NDNF: variants seen among roughly 807,000 people sequenced by gnomAD.
NDNF encodes protein NDNF.
Under a neutral mutation model 42.0 loss-of-function variants are expected in NDNF, and 16 were observed. That is an observed-to-expected ratio of 0.38 (90% CI 0.26 to 0.58). The LOEUF (loss-of-function observed/expected upper bound fraction) is 0.58. Among genes scored for constraint, NDNF ranks in the 20% least tolerant of loss-of-function variants. The pLI, the probability that NDNF is intolerant of heterozygous loss-of-function variation, is 0.67. For synonymous variants in NDNF, 248 were observed against 251.7 expected (o/e 0.99, Z 0.14); for missense variants, 616 against 666.2 (o/e 0.92, Z 0.83).
At position 121,037,239 on chromosome 4, in the gene NDNF, A is replaced by C. The variant is rs751516210; in HGVS notation, c.732T>G (p.Gly244=). The C allele has an allele frequency of 6.2e-7, 1 of 1,614,086 alleles. No individual in the cohort carries two copies. The highest frequency in any genetic ancestry group is 1.1e-5 in the South Asian group (1 of 91,064). The change falls in exon 4 of 4, where the codon GGT becomes GGG. Residue 244 remains glycine (G), a synonymous_variant. Coordinates refer to ENST00000379692, the MANE Select transcript of NDNF (RefSeq NM_024574.4). ...CAAAGTCAAAGGGGCTGAAGTCCAG[A>C]CCAGGTTTCGGTGCCATCATAAAAG... ...DDAFMMAPKP[G]LDFSPFDFAH...
chr4:121,064,305 G>A (rs1250698209), intron 1 of NDNF, among the ~76,000 whole-genome samples: 3 of 151,998 alleles, frequency 2.0e-5, no homozygotes, highest in Admixed American at 6.6e-5. Flanking sequence ...AAACAATCAA[G>A]GGTTATACAA....
chr4:121,062,164 C>T (rs1364528821), intron 1 of NDNF, among the ~76,000 whole-genome samples: 1 of 152,112 alleles, frequency 6.6e-6, no homozygotes, highest in Non-Finnish European at 1.5e-5. Flanking sequence ...AGATTAGGAC[C>T]TTATTCAATT....
chr4:121,041,969 G>A (rs1560604193), intron 2 of NDNF, among the ~76,000 whole-genome samples: 1 of 152,090 alleles, frequency 6.6e-6, no homozygotes, highest in East Asian at 1.9e-4. Flanking sequence ...ACAGAGGTTT[G>A]TGACTCATAC....
chr4:121,057,897 T>C (rs1319127478), intron 1 of NDNF, among the ~76,000 whole-genome samples: 3 of 152,186 alleles, frequency 2.0e-5, no homozygotes, highest in Non-Finnish European at 4.4e-5. Flanking sequence ...TCAACCAGTG[T>C]TTATTAAGTG....
intron 1 of NDNF, among the ~76,000 whole-genome samples, chr4:121,056,427 T>C (rs1290588300): frequency 6.6e-6 from 1 of 152,194 alleles, no homozygotes; most frequent in African/African-American, 2.4e-5. Context: ...TTTCATACAT[T>C]TTGCAATACA....
In NDNF at chr4:121,050,120, T is replaced by C. The variant is rs149750360; in HGVS notation, c.-1-4282A>G. Among the ~76,000 whole-genome samples the C allele has an allele frequency of 4.4e-3, 663 of 152,328 alleles. 7 individuals are homozygous for C. Among genetic ancestry groups the C allele is most frequent in the African/African-American group, 0.015 (606 of 41,588 alleles). ...ATTGTATATATTTTTACAACTTATATTGACTGATAAAAAATTGAAGCTTTA... is the reference window on the plus strand; with the variant it reads ...ATTGTATATATTTTTACAACTTATACTGACTGATAAAAAATTGAAGCTTTA... On this transcript the variant is annotated intron_variant, in intron 1 of 3. Transcript: ENST00000379692.
chr4:121,057,964 T>G (rs866583616), intron 1 of NDNF, among the ~76,000 whole-genome samples: 1 of 152,232 alleles, frequency 6.6e-6, no homozygotes, highest in Admixed American at 6.5e-5. Flanking sequence ...TACAGTCCTC[T>G]GGTGAAACCA....
chr4:121,041,534 C>G (rs987706465), intron 2 of NDNF, among the ~76,000 whole-genome samples: 2 of 152,174 alleles, frequency 1.3e-5, no homozygotes, highest in African/African-American at 4.8e-5. Flanking sequence ...CCTGTGTGAC[C>G]TCATCCAGGC....
In NDNF at chr4:121,036,740, C is replaced by T; in HGVS notation, c.1231G>A (p.Gly411Arg). 6.2e-7 allele frequency: 1 copy of T among 1,614,100 alleles called. No homozygotes were observed. The highest frequency in any genetic ancestry group is 8.5e-7 in the Non-Finnish European group (1 of 1,180,026). Residue 411 changes from glycine (G) to arginine (R), a missense_variant, in exon 4 of 4, where the codon GGA becomes AGA. By Grantham distance (125) the Gly-to-Arg change is moderately radical (BLOSUM62 -2). Coordinates refer to ENST00000379692, the MANE Select transcript of NDNF (RefSeq NM_024574.4). ...ACGAGGTATTTAGCTTTAGGTTTTC[C>T]TCTAAGCTGAAACTGCTGAATGCCT... ...VEGIQQFQLR[G>R]KPKAKYLVRL...
chr4:121,042,577 G>C (rs944375122), intron 2 of NDNF, among the ~76,000 whole-genome samples: 1 of 152,118 alleles, frequency 6.6e-6, no homozygotes, highest in Non-Finnish European at 1.5e-5. Context: ...GTGTCAGAAG[G>C]CTTAATTTTT....
chr4:121,039,576 C>G (rs1209450649), intron 3 of NDNF, among the ~76,000 whole-genome samples: 2 of 151,998 alleles, frequency 1.3e-5, no homozygotes, highest in Non-Finnish European at 2.9e-5. Flanking sequence ...TCACCCCATT[C>G]CAATCAAATC....
chr4:121,036,993 A>G lies in NDNF; in HGVS notation c.978T>C (p.Ala326=). The part of the protein sequence containing the change: ...VVNINSNMST[A]YVGTFARTKE... ...TGGTCCTGGCAAAGGTACCTACATA[A>G]GCGGTGCTCATGTTGCTGTTGATGT... The change falls in exon 4 of 4, where the codon GCT becomes GCC. Residue 326 remains alanine (A), a synonymous_variant. Transcript: ENST00000379692. The G allele has an allele frequency of 6.2e-7, 1 of 1,613,924 alleles. No homozygotes were observed. Among genetic ancestry groups the G allele is most frequent in the Admixed American group, 1.7e-5 (1 of 59,988 alleles).
At position 121,043,116 on chromosome 4, in the gene NDNF, C is replaced by T. The variant is rs148790945; in HGVS notation, c.188+2534G>A. Among the ~76,000 whole-genome samples the T allele has an allele frequency of 3.8e-3, 573 of 152,154 alleles. 3 individuals are homozygous for T. The highest frequency in any genetic ancestry group is 0.013 in the African/African-American group (539 of 41,508). Reference sequence around the variant, plus strand: ...AGAAGAGAGTGACAATCAGAGATGACGGGACATAATCTACATGTTCGAGAT... The same window carrying T: ...AGAAGAGAGTGACAATCAGAGATGATGGGACATAATCTACATGTTCGAGAT... On this transcript the variant is annotated intron_variant, in intron 2 of 3. Coordinates refer to ENST00000379692, the MANE Select transcript of NDNF (RefSeq NM_024574.4).
chr4:121,070,587 G>GA (rs1340116553), intron 1 of NDNF, among the ~76,000 whole-genome samples: 3 of 152,044 alleles, frequency 2.0e-5, no homozygotes, highest in Non-Finnish European at 4.4e-5. Flanking sequence ...GTGGAGGGGG[G>GA]AAAGAGAGGG....
chr4:121,057,492 C>T (rs1217491821), intron 1 of NDNF, among the ~76,000 whole-genome samples: 4 of 152,144 alleles, frequency 2.6e-5, no homozygotes, highest in Non-Finnish European at 5.9e-5. Flanking sequence ...CAGGCACTGG[C>T]TCACCAAGAC....
rs993559384 is a variant in NDNF at position 121,035,660 on chromosome 4, T to G, written c.*604A>C. 4 of 152,330 alleles carry G rather than the reference T, an allele frequency of 2.6e-5. No individual in the cohort carries two copies. Among genetic ancestry groups the G allele is most frequent in the Admixed American group, 1.3e-4 (2 of 15,266 alleles). The allele number at this position is 152,330 out of a possible 1,614,324, so 9.4% of individuals were successfully genotyped here. On this transcript the variant is annotated 3_prime_UTR_variant, in exon 4 of 4. Coordinates refer to ENST00000379692, the MANE Select transcript of NDNF (RefSeq NM_024574.4). ...ATAATCTAATCTCTTTAATTTTATG[T>G]ACATGAATATAATGTATGTCAACTT...
At chr4:121,043,913 C>T (rs997684091) in intron 2 of NDNF, among the ~76,000 whole-genome samples, 17 of 152,356 alleles carry the variant, frequency 1.1e-4, no homozygotes, top group African/African-American at 4.1e-4. Context: ...AGTATTATGA[C>T]TGCTTTGTAT....
Position 121,036,372 on chromosome 4 carries a change from TTTAA to T in NDNF, c.1595_1598del (p.Ile532LysfsTer16). On this transcript the variant is annotated frameshift_variant, in exon 4 of 4. Coordinates refer to ENST00000379692, the MANE Select transcript of NDNF (RefSeq NM_024574.4). LOFTEE classifies it high-confidence loss of function. ...GGTAAGATTTGCCAGGCTGAAGACCTTTAATTGTTTCTGTGGTCACTGCTTTCTG... is the reference window on the plus strand; with the variant it reads ...GGTAAGATTTGCCAGGCTGAAGACCTTTGTTTCTGTGGTCACTGCTTTCTG... 1 of 1,614,210 alleles carries T rather than the reference TTTAA, an allele frequency of 6.2e-7. No individual in the cohort carries two copies. Among genetic ancestry groups the T allele is most frequent in the Non-Finnish European group, 8.5e-7 (1 of 1,180,030 alleles).
chr4:121,041,498 C>T (rs983515098), intron 2 of NDNF, among the ~76,000 whole-genome samples: 1 of 152,202 alleles, frequency 6.6e-6, no homozygotes, highest in African/African-American at 2.4e-5. Flanking sequence ...TGTGCTTGAA[C>T]GTCTCTTTTC....
Sources: gnomAD v4.1 joint callset for allele counts (sites outside exome capture counted in the v4.1 genomes callset) on GRCh38, gnomAD v4.1.1 for gene constraint, MANE v1.5 for transcripts, NCBI Gene and HGNC (gene_info 2026-07-23, HGNC 2026-07-21) for gene names.